The following ADAM2 variants were observed in gnomAD, a reference collection of about 807,000 sequenced individuals.
ADAM2 encodes the protein ADAM metallopeptidase domain 2, also known as disintegrin and metalloproteinase domain-containing protein 2.
ADAM2 carries 101 observed loss-of-function variants against 99.3 expected under a neutral mutation model. The ratio of observed to expected loss-of-function variants is 1.02; its 90% CI spans 0.87 to 1.20. The LOEUF (loss-of-function observed/expected upper bound fraction) is 1.20, where lower values mean the gene tolerates loss of function less well. Ranked by LOEUF, ADAM2 falls within the 50% of genes most tolerant of loss-of-function variation. The pLI is 0.00. For missense variants in ADAM2, 948 were observed against 878.7 expected, an observed-to-expected ratio of 1.08 and a Z score of -1.00; for synonymous variants, 323 against 287.6, an observed-to-expected ratio of 1.12 and a Z score of -1.25.
chr8:39,813,732 G>C (rs117292588), intron 6 of ADAM2, among the ~76,000 whole-genome samples: 4,354 of 151,808 alleles, frequency 0.029, 89 homozygotes, highest in Non-Finnish European at 0.045. Context: ...AGAACACTTG[G>C]ACACAAGCTG....
intron 6 of ADAM2, among the ~76,000 whole-genome samples, chr8:39,820,603 C>T (rs886228480): frequency 6.6e-6 from 1 of 152,122 alleles, no homozygotes; most frequent in Non-Finnish European, 1.5e-5. Flanking sequence ...ATAATGACCT[C>T]CCCTGAGGCA....
At chr8:39,821,557 T>C in intron 5 of ADAM2, 29 bp downstream of exon 5, 2 of 1,451,040 alleles carry the variant, frequency 1.4e-6, no homozygotes, top group Non-Finnish European at 9.6e-7. Flanking sequence ...ATATTTTATT[T>C]TGTAATTCAT....
intron 4 of ADAM2, among the ~76,000 whole-genome samples, chr8:39,824,159 T>G (rs1805305315): frequency 6.6e-6 from 1 of 151,702 alleles, no homozygotes; most frequent in South Asian, 2.1e-4. Flanking sequence ...GACACATGCC[T>G]GTAATCCCAG....
chr8:39,776,896 C>A, intron 11 of ADAM2, 129 bp downstream of exon 11: 1 of 589,676 alleles, frequency 1.7e-6, no homozygotes, highest in Middle Eastern at 4.5e-4. Flanking sequence ...TTGGAATACA[C>A]ATTTTGGTCC....
At chr8:39,790,273 G>A (rs1803651279) in intron 7 of ADAM2, among the ~76,000 whole-genome samples, 1 of 151,834 alleles carries the variant, frequency 6.6e-6, no homozygotes, top group South Asian at 2.1e-4. Context: ...GCTTAAAAGT[G>A]GAAAAAGTGA....
intron 5 of ADAM2, 98 bp from the exon 6 acceptor site, chr8:39,821,268 T>C (rs533820931): frequency 1.2e-6 from 1 of 867,090 alleles, no homozygotes; most frequent in South Asian, 2.0e-5. Flanking sequence ...ATGCAGATTA[T>C]TTTTAGCCTG....
intron 2 of ADAM2, among the ~76,000 whole-genome samples, chr8:39,836,927 G>C (rs1805847204): frequency 6.6e-6 from 1 of 152,098 alleles, no homozygotes; most frequent in Non-Finnish European, 1.5e-5. Context: ...ATGGACTTGG[G>C]GCTTTGATAA....
chr8:39,816,241 G>A (rs1361362993), intron 6 of ADAM2, among the ~76,000 whole-genome samples: 2 of 152,168 alleles, frequency 1.3e-5, no homozygotes, highest in African/African-American at 2.4e-5. Flanking sequence ...AGGTTGCAGT[G>A]AGCAGAGATC....
chr8:39,787,090 T>A (rs550655450), intron 9 of ADAM2, 35 bp from the exon 10 acceptor site: 2 of 1,345,462 alleles, frequency 1.5e-6, no homozygotes, highest in Admixed American at 4.4e-5. Flanking sequence ...TCATATAATT[T>A]TGTAAAAATT....
At chr8:39,775,402 G>A (rs535464467) in intron 11 of ADAM2, among the ~76,000 whole-genome samples, 2 of 152,040 alleles carry the variant, frequency 1.3e-5, no homozygotes, top group South Asian at 2.1e-4. Context: ...CATCTAGATC[G>A]TTCACCAAGT....
At chr8:39,747,318 A>G (rs545414507) in intron 18 of ADAM2, among the ~76,000 whole-genome samples, 13 of 152,272 alleles carry the variant, frequency 8.5e-5, no homozygotes, top group African/African-American at 2.6e-4. Context: ...TAAAAACACA[A>G]TCCATTAAAC....
chr8:39,821,780 A>G (rs1039932117), intron 4 of ADAM2, 118 bp from the exon 5 acceptor site: 8 of 688,874 alleles, frequency 1.2e-5, no homozygotes, highest in African/African-American at 3.6e-5. Flanking sequence ...TGTTTCAAAA[A>G]TGGATTTATA....
At chr8:39,810,970 A>T (rs186073721) in intron 6 of ADAM2, among the ~76,000 whole-genome samples, 85 of 152,134 alleles carry the variant, frequency 5.6e-4, no homozygotes, top group African/African-American at 2.0e-3. Context: ...CCAAAAAAAA[A>T]CCCTTCAAAA....
chr8:39,821,472 T>G (rs561508115), intron 5 of ADAM2, 114 bp downstream of exon 5: 2 of 803,826 alleles, frequency 2.5e-6, no homozygotes, highest in South Asian at 2.0e-5. Flanking sequence ...TGAGTGGCAG[T>G]TTTCCACAAT....
chr8:39,830,258 A>G (rs931460263), intron 3 of ADAM2, among the ~76,000 whole-genome samples: 7 of 152,166 alleles, frequency 4.6e-5, no homozygotes, highest in Non-Finnish European at 1.0e-4. Context: ...TATTGAAATG[A>G]CAGATGAACA....
At chr8:39,804,530 G>C (rs992402865) in intron 7 of ADAM2, among the ~76,000 whole-genome samples, 2 of 152,122 alleles carry the variant, frequency 1.3e-5, no homozygotes, top group Non-Finnish European at 2.9e-5. Flanking sequence ...GAGTAGAGAA[G>C]AGTAATGTGA....
intron 7 of ADAM2, among the ~76,000 whole-genome samples, chr8:39,799,071 TC>T (rs1382190540): frequency 6.6e-6 from 1 of 152,126 alleles, no homozygotes; most frequent in Non-Finnish European, 1.5e-5. Flanking sequence ...TTATTTCTTG[TC>T]TTCTGCCAGC....
intron 10 of ADAM2, among the ~76,000 whole-genome samples, chr8:39,779,617 A>T (rs949787347): frequency 3.9e-5 from 6 of 152,178 alleles, no homozygotes; most frequent in Non-Finnish European, 7.4e-5. Context: ...GAATTTAAAA[A>T]ATATATATTT....
At chr8:39,819,222 C>G (rs1474356091) in intron 6 of ADAM2, among the ~76,000 whole-genome samples, 1 of 151,844 alleles carries the variant, frequency 6.6e-6, no homozygotes, top group Non-Finnish European at 1.5e-5. Context: ...GGTAATAATA[C>G]TTAACATTTA....
Sources: gnomAD v4.1 joint callset for allele counts (sites outside exome capture counted in the v4.1 genomes callset) on GRCh38, gnomAD v4.1.1 for gene constraint, MANE v1.5 for transcripts, NCBI Gene and HGNC (gene_info 2026-07-23, HGNC 2026-07-21) for gene names.